Variants in PHF14 observed in about 807,000 individuals in gnomAD.
PHF14 encodes the protein PHD finger protein 14.
PHF14 carries 55 observed loss-of-function variants against 117.9 expected under a neutral mutation model. The observed-to-expected ratio is 0.47, with a 90% CI of 0.38 to 0.58. PHF14 has a LOEUF of 0.58. PHF14 is among the 20% of genes least tolerant of loss of function. The pLI is 0.00. For synonymous variants in PHF14, 409 were observed against 368.6 expected (o/e 1.11, Z -1.26); for missense variants, 978 against 1,122.2 (o/e 0.87, Z 1.84).
At chr7:11,154,023 A>G (rs1269757504) in intron 17 of PHF14, among the ~76,000 whole-genome samples, 2 of 152,032 alleles carry the variant, frequency 1.3e-5, no homozygotes, top group Non-Finnish European at 2.9e-5. Context: ...GCTTCCATAC[A>G]TGTCTTATCC....
intron 4 of PHF14, among the ~76,000 whole-genome samples, chr7:10,998,798 C>T (rs1169717250): frequency 6.6e-6 from 1 of 152,136 alleles, no homozygotes. Context: ...TTTGGTGATT[C>T]TCTTATGATG....
At chr7:11,088,478 T>C (rs2128338142) in intron 16 of PHF14, among the ~76,000 whole-genome samples, 1 of 152,282 alleles carries the variant, frequency 6.6e-6, no homozygotes. Flanking sequence ...TATGCATTAA[T>C]AACTAATGAA....
chr7:11,038,237 C>T (rs1784374699), intron 10 of PHF14, among the ~76,000 whole-genome samples: 2 of 151,988 alleles, frequency 1.3e-5, no homozygotes, highest in African/African-American at 4.8e-5. Flanking sequence ...TTGAGACCAG[C>T]CTGGCCAACA....
chr7:11,054,462 T>A lies in PHF14; in HGVS notation c.2481+2682T>A, dbSNP rs1249733140. Reference sequence around the variant, plus strand: ...GGTGCGAGGTATCATACTAAACTGTTCAAGGAATGTAGGAATGAGAGATAC... The same window carrying A: ...GGTGCGAGGTATCATACTAAACTGTACAAGGAATGTAGGAATGAGAGATAC... On this transcript the variant is annotated intron_variant, in intron 14 of 17. Coordinates refer to ENST00000634607, the MANE Select transcript of PHF14 (RefSeq NM_001007157.2). Among the ~76,000 whole-genome samples the A allele has an allele frequency of 3.3e-5, 5 of 152,150 alleles. No individual in the cohort carries two copies. In the East Asian group the frequency reaches 7.7e-4, roughly 23 times the overall value.
At chr7:11,027,862 C>G (rs1231178328) in intron 6 of PHF14, among the ~76,000 whole-genome samples, 2 of 151,944 alleles carry the variant, frequency 1.3e-5, no homozygotes, top group African/African-American at 2.4e-5. Flanking sequence ...GTAAGATTGT[C>G]CTGGTTTGAA....
At chr7:11,004,266 A>G (rs1782994457) in intron 4 of PHF14, among the ~76,000 whole-genome samples, 1 of 149,250 alleles carries the variant, frequency 6.7e-6, no homozygotes, top group Non-Finnish European at 1.5e-5. Context: ...AAAAAAAAAA[A>G]AAAGAAAAGA....
chr7:11,114,469 A>G (rs1419334486), intron 17 of PHF14, among the ~76,000 whole-genome samples: 1 of 152,118 alleles, frequency 6.6e-6, no homozygotes, highest in Non-Finnish European at 1.5e-5. Context: ...TAAGTCTAAT[A>G]AGATTCATCA....
chr7:11,134,422 A>T (rs907869149), intron 17 of PHF14, among the ~76,000 whole-genome samples: 1 of 152,096 alleles, frequency 6.6e-6, no homozygotes, highest in Non-Finnish European at 1.5e-5. Context: ...TAAAGATTTC[A>T]TGGAGTAAAG....
At chr7:11,056,496 A>G (rs1422627461) in intron 14 of PHF14, among the ~76,000 whole-genome samples, 1 of 152,034 alleles carries the variant, frequency 6.6e-6, no homozygotes, top group Non-Finnish European at 1.5e-5. Flanking sequence ...GCTAAATTAG[A>G]TAAAAAGAAA....
At chr7:10,977,138 T>G (rs1040397138) in intron 2 of PHF14, among the ~76,000 whole-genome samples, 5 of 152,036 alleles carry the variant, frequency 3.3e-5, no homozygotes, top group African/African-American at 1.2e-4. Context: ...AGTTGGAGTC[T>G]TGTAGAGAAT....
At chr7:11,000,959 C>T (rs1044767720) in intron 4 of PHF14, among the ~76,000 whole-genome samples, 7 of 151,770 alleles carry the variant, frequency 4.6e-5, no homozygotes, top group Non-Finnish European at 1.0e-4. Context: ...TCTAGATTTT[C>T]TCCCGTGTTA....
chr7:11,145,275 C>T (rs1788513426), intron 17 of PHF14, among the ~76,000 whole-genome samples: 1 of 85,968 alleles, frequency 1.2e-5, no homozygotes, highest in Non-Finnish European at 2.3e-5. Context: ...TGTATGTCCT[C>T]ACTTGCTCTC....
chr7:10,982,811 C>G lies in PHF14; in HGVS notation c.552C>G (p.Asn184Lys). 6.2e-7 allele frequency: 1 copy of G among 1,613,882 alleles called. No individual in the cohort carries two copies. Among genetic ancestry groups the G allele is most frequent in the Non-Finnish European group, 8.5e-7 (1 of 1,179,856 alleles). Residue 184 changes from asparagine to lysine, a missense_variant, in exon 3 of 18, where the codon AAC becomes AAG. Coordinates refer to ENST00000634607, the MANE Select transcript of PHF14 (RefSeq NM_001007157.2). ...AAGTCAGCGAGCCAAAAAAATGGAA[C>G]CTTCGACGAAACCGACCACTTCTGG... ...EEQVSEPKKWNLRRNRPLLDF... is the reference protein window; with the variant it reads ...EEQVSEPKKWKLRRNRPLLDF...
At chr7:11,133,930 C>T (rs1788151697) in intron 17 of PHF14, among the ~76,000 whole-genome samples, 1 of 151,960 alleles carries the variant, frequency 6.6e-6, no homozygotes, top group African/African-American at 2.4e-5. Flanking sequence ...AAGGACTAAC[C>T]TGGACCAGGT....
Position 11,122,352 on chromosome 7 carries a change from T to TACACACACACACACACAC in PHF14, c.2772+10901_2772+10918dup, listed in dbSNP as rs747467173. 2.3e-4 allele frequency among the ~76,000 whole-genome samples: 15 copies of TACACACACACACACACAC among 65,860 alleles called. 1 individual carries two copies. The highest frequency in any genetic ancestry group is 1.8e-3 in the Admixed American group (10 of 5,690). The allele number at this position is 65,860 out of a possible 152,430, so 43.2% of individuals were successfully genotyped here. A position where few individuals can be genotyped will look rare whatever the true frequency, so the allele number is the denominator to read the frequency against. ...CTTTTTATATATATATATATATATA[T>TACACACACACACACACAC]ACACACACACACACACACACACACA... On this transcript the variant is annotated intron_variant, in intron 17 of 17. Coordinates refer to ENST00000634607, the MANE Select transcript of PHF14 (RefSeq NM_001007157.2).
chr7:11,044,103 T>C (rs1292907058), intron 13 of PHF14, among the ~76,000 whole-genome samples: 1 of 152,096 alleles, frequency 6.6e-6, no homozygotes, highest in African/African-American at 2.4e-5. Flanking sequence ...AAATACTGCA[T>C]GTTCTCACTT....
At chr7:11,058,582 G>T (rs994667054) in intron 14 of PHF14, among the ~76,000 whole-genome samples, 1 of 152,152 alleles carries the variant, frequency 6.6e-6, no homozygotes, top group African/African-American at 2.4e-5. Context: ...GTAGTATGGA[G>T]CTACCAAATT....
intron 13 of PHF14, among the ~76,000 whole-genome samples, chr7:11,048,458 G>T (rs1042071570): frequency 9.2e-5 from 14 of 152,086 alleles, no homozygotes; most frequent in Non-Finnish European, 1.8e-4. Flanking sequence ...TGTAATCCCA[G>T]CTACTCGGGA....
chr7:11,026,463 T>C (rs1176652804), intron 6 of PHF14, among the ~76,000 whole-genome samples: 1 of 152,232 alleles, frequency 6.6e-6, no homozygotes, highest in Non-Finnish European at 1.5e-5. Flanking sequence ...ATCTCTGATG[T>C]ATGCTTGTAA....
Sources: allele counts gnomAD v4.1 joint callset (sites outside exome capture counted in the v4.1 genomes callset), GRCh38; gene constraint gnomAD v4.1.1; transcripts MANE v1.5; gene names NCBI Gene and HGNC (gene_info 2026-07-23, HGNC 2026-07-21).